Variants in ABCC9 observed in about 807,000 individuals in gnomAD.
The protein encoded by ABCC9 is ATP-binding cassette sub-family C member 9.
In ABCC9, 95 loss-of-function variants were observed where a neutral mutation model predicts 188.3. That is an observed-to-expected ratio of 0.50 (90% confidence interval 0.43 to 0.60). ABCC9 has a LOEUF of 0.60. Among genes scored for constraint, ABCC9 ranks in the 20% least tolerant of loss-of-function variants. ABCC9 has a pLI of 0.00. For synonymous variants in ABCC9, 659 were observed against 652.7 expected (o/e 1.01, Z -0.15); for missense variants, 1,102 against 1,876.3 (o/e 0.59, Z 7.62).
At chr12:21,891,525 C>T (rs559214773) in intron 14 of ABCC9, among the ~76,000 whole-genome samples, 1 of 152,204 alleles carries the variant, frequency 6.6e-6, no homozygotes, top group Admixed American at 6.5e-5. Context: ...GAGGTATATA[C>T]AGGTCTCAGC....
chr12:21,813,399 AGCAGGCAAGGG>A (rs1484304193), intron 35 of ABCC9, among the ~76,000 whole-genome samples: 2 of 152,148 alleles, frequency 1.3e-5, no homozygotes, highest in Non-Finnish European at 2.9e-5. Context: ...ATAGATTTAG[AGCAGGCAAGGG>A]TGATTAGCTT....
At chr12:21,845,919 C>G in intron 25 of ABCC9, 87 bp from the exon 26 acceptor site, 1 of 981,578 alleles carries the variant, frequency 1.0e-6, no homozygotes, top group Non-Finnish European at 1.6e-6. Context: ...TATAAACATT[C>G]ATACATTTAT....
At chr12:21,920,842 T>C (rs1309976955) in intron 5 of ABCC9, among the ~76,000 whole-genome samples, 1 of 152,072 alleles carries the variant, frequency 6.6e-6, no homozygotes, top group African/African-American at 2.4e-5. Flanking sequence ...GTGCCTGTCT[T>C]ATTTCACTTA....
At chr12:21,925,881 C>A in intron 5 of ABCC9, 61 bp downstream of exon 5, 5 of 1,551,368 alleles carry the variant, frequency 3.2e-6, no homozygotes, top group South Asian at 1.1e-5. Flanking sequence ...AGAAAAATAA[C>A]CCTTTGGGGG....
At chr12:21,838,001 T>C (rs893295331) in intron 30 of ABCC9, 77 bp downstream of exon 30, 1 of 1,176,236 alleles carries the variant, frequency 8.5e-7, no homozygotes. Context: ...ATGAAAGCAA[T>C]GATCAGTTAT....
chr12:21,801,000 T>G lies in ABCC9; in HGVS notation c.*44A>C. ...AGCTGATGATCCATTAATTAGGTTA[T>G]GACTGCATTATTTTAAATACATGTA... On this transcript the variant is annotated 3_prime_UTR_variant, in exon 40 of 40. Coordinates refer to ENST00000261200, the MANE Select transcript of ABCC9 (RefSeq NM_020297.4). 1 of 1,611,522 alleles carries G rather than the reference T, an allele frequency of 6.2e-7. No homozygotes were observed. The highest frequency in any genetic ancestry group is 8.5e-7 in the Non-Finnish European group (1 of 1,178,954).
intron 18 of ABCC9, among the ~76,000 whole-genome samples, chr12:21,870,083 A>T (rs1945989220): frequency 6.6e-6 from 1 of 151,864 alleles, no homozygotes; most frequent in Non-Finnish European, 1.5e-5. Context: ...TGCCCTCTAA[A>T]CCTTCACATA....
chr12:21,848,021 G>A (rs1944771949), intron 25 of ABCC9, 129 bp downstream of exon 25: 1 of 757,190 alleles, frequency 1.3e-6, no homozygotes, highest in Non-Finnish European at 2.3e-6. Context: ...TCCATTTTCA[G>A]TATTACTTGA....
intron 39 of ABCC9, among the ~76,000 whole-genome samples, chr12:21,802,158 C>T (rs1941481338): frequency 6.6e-6 from 1 of 152,132 alleles, no homozygotes; most frequent in Non-Finnish European, 1.5e-5. Context: ...ATATACTTAA[C>T]ATTGTATAGT....
At chr12:21,882,013 G>A (rs762922771) in intron 16 of ABCC9, among the ~76,000 whole-genome samples, 13 of 152,156 alleles carry the variant, frequency 8.5e-5, no homozygotes, top group Admixed American at 3.3e-4. Flanking sequence ...GTAAGGTATT[G>A]TGTCAGGTGT....
At chr12:21,843,451 TAC>T (rs1944489897) in intron 28 of ABCC9, among the ~76,000 whole-genome samples, 3 of 152,206 alleles carry the variant, frequency 2.0e-5, no homozygotes, top group Non-Finnish European at 4.4e-5. Context: ...TCTTTCTCTG[TAC>T]AGGATTGTTA....
chr12:21,928,073 A>G (rs747567527), intron 4 of ABCC9, among the ~76,000 whole-genome samples: 3 of 151,874 alleles, frequency 2.0e-5, no homozygotes, highest in Non-Finnish European at 4.4e-5. Flanking sequence ...TACAAAAATT[A>G]GCCATGTGTG....
chr12:21,906,322 G>C lies in ABCC9; in HGVS notation c.1456-34C>G, dbSNP rs767223047. 6 of 1,574,148 alleles carry C rather than the reference G, an allele frequency of 3.8e-6. No homozygotes were observed. The South Asian group carries it at 4.6e-5, about 12-fold the overall frequency. Reference sequence around the variant, plus strand: ...CAAAGGAAGAAAAATAATACCAGCTGCATCCAAGTGAATCAGAAAGGCAGA... The same window carrying C: ...CAAAGGAAGAAAAATAATACCAGCTCCATCCAAGTGAATCAGAAAGGCAGA... On this transcript the variant is annotated intron_variant, in intron 11 of 39. Transcript: ENST00000261200.
intron 15 of ABCC9, among the ~76,000 whole-genome samples, chr12:21,887,236 C>T (rs1428663387): frequency 6.6e-6 from 1 of 152,052 alleles, no homozygotes; most frequent in Non-Finnish European, 1.5e-5. Context: ...TATGTAGATA[C>T]TAAGTAAATA....
In ABCC9 at chr12:21,845,681, C is replaced by T. The variant is rs1030642418; in HGVS notation, c.3018G>A (p.Ser1006=). 24 of 1,613,658 alleles carry T rather than the reference C, an allele frequency of 1.5e-5. No homozygotes were observed. The highest frequency in any genetic ancestry group is 1.3e-4 in the Admixed American group (8 of 59,966). The part of the protein sequence containing the change: ...LMIFSKLLKH[S]VIVAIDYWLA... The stretch of plus-strand genomic sequence containing the variant: ...GCCAATAGTCTATAGCTACAATGAC[C>T]GAATGCTTCAAAAGCTTAGAGAAAA... Residue 1006 remains serine (S), a synonymous_variant, in exon 26 of 40, where the codon TCG becomes TCA. Coordinates refer to ENST00000261200, the MANE Select transcript of ABCC9 (RefSeq NM_020297.4).
chr12:21,897,264 G>T (rs1207161668), intron 12 of ABCC9, among the ~76,000 whole-genome samples: 4 of 151,976 alleles, frequency 2.6e-5, no homozygotes, highest in Admixed American at 6.6e-5. Flanking sequence ...TTTTAAGAGG[G>T]TTTTTTTTCC....
intron 4 of ABCC9, among the ~76,000 whole-genome samples, chr12:21,929,107 A>G (rs1949170472): frequency 1.3e-5 from 2 of 152,172 alleles, no homozygotes; most frequent in Admixed American, 6.5e-5. Flanking sequence ...TAGAATTTTG[A>G]CAGATTAAAT....
chr12:21,901,974 T>C (rs1391634811), intron 12 of ABCC9, among the ~76,000 whole-genome samples: 2 of 152,080 alleles, frequency 1.3e-5, no homozygotes, highest in African/African-American at 4.8e-5. Context: ...TCTACAGAAC[T>C]CTCCACCCCA....
chr12:21,899,307 A>T (rs1178263849), intron 12 of ABCC9, among the ~76,000 whole-genome samples: 1 of 152,214 alleles, frequency 6.6e-6, no homozygotes, highest in Non-Finnish European at 1.5e-5. Flanking sequence ...AACATCACAC[A>T]TAAGAATGCT....
Sources: allele counts gnomAD v4.1 joint callset (sites outside exome capture counted in the v4.1 genomes callset), GRCh38; gene constraint gnomAD v4.1.1; transcripts MANE v1.5; gene names NCBI Gene and HGNC (gene_info 2026-07-23, HGNC 2026-07-21).